Variants in FTO observed in about 807,000 individuals in gnomAD.
FTO encodes alpha-ketoglutarate-dependent dioxygenase FTO.
In FTO, 47 loss-of-function variants were observed where a neutral mutation model predicts 63.9. The ratio of observed to expected loss-of-function variants is 0.74; its 90% CI spans 0.58 to 0.94. FTO has a LOEUF of 0.94. FTO is among the 40% of genes least tolerant of loss of function. The probability of loss-of-function intolerance (pLI) is 0.00; values close to 1 mark genes in which losing one functional copy is unlikely to be tolerated. For missense variants in FTO, 562 were observed against 618.1 expected (o/e 0.91, Z 0.96); for synonymous variants, 207 against 224.4 (o/e 0.92, Z 0.69).
intron 8 of FTO, among the ~76,000 whole-genome samples, chr16:53,936,154 G>T (rs773135250): frequency 5.3e-5 from 8 of 152,208 alleles, no homozygotes; most frequent in Non-Finnish European, 7.3e-5. Flanking sequence ...TTAATCAGGA[G>T]CTGGAGCCAG....
At chr16:53,989,467 A>G (rs1363626655) in intron 8 of FTO, among the ~76,000 whole-genome samples, 1 of 152,118 alleles carries the variant, frequency 6.6e-6, no homozygotes, top group Non-Finnish European at 1.5e-5. Context: ...GATAGTAGGA[A>G]TGTTAATCAT....
At chr16:54,065,097 A>ACATTTTATTT (rs2085689404) in intron 8 of FTO, among the ~76,000 whole-genome samples, 3 of 77,990 alleles carry the variant, frequency 3.8e-5, no homozygotes, top group Non-Finnish European at 9.6e-5. Context: ...TGTTAGCATA[A>ACATTTTATTT]CATTTTATTT....
chr16:53,856,258 C>T (rs1365218061), intron 4 of FTO, among the ~76,000 whole-genome samples: 2 of 152,048 alleles, frequency 1.3e-5, no homozygotes, highest in Non-Finnish European at 2.9e-5. Context: ...GTTTGACTTT[C>T]CTCATCTAGT....
In FTO at chr16:54,119,831, AAACT is replaced by A. The variant is rs1216334522; in HGVS notation, c.*7921_*7924del. On this transcript the variant is annotated 3_prime_UTR_variant, in exon 9 of 9. Coordinates refer to ENST00000471389, the MANE Select transcript of FTO (RefSeq NM_001080432.3). Reference sequence around the variant, plus strand: ...CCCTGTGAGCAGCAACATAAGTTTGAAACTAACTGTGTATGACTAAGGCTCCATT... The same window carrying A: ...CCCTGTGAGCAGCAACATAAGTTTGAAACTGTGTATGACTAAGGCTCCATT... 10 of 152,202 alleles carry A rather than the reference AAACT, an allele frequency of 6.6e-5. No individual in the cohort carries two copies. The highest frequency in any genetic ancestry group is 3.9e-4 in the Admixed American group (6 of 15,284). 9.4% of individuals were successfully genotyped at this position (152,202 alleles called of 1,614,324 possible).
intron 1 of FTO, among the ~76,000 whole-genome samples, chr16:53,773,852 A>C (rs17817288): frequency 2.6e-5 from 4 of 151,938 alleles, no homozygotes; most frequent in Non-Finnish European, 5.9e-5. Flanking sequence ...AAATAAATGA[A>C]TAGCTGCTGG....
intron 8 of FTO, among the ~76,000 whole-genome samples, chr16:54,032,799 G>C (rs114134394): frequency 2.6e-5 from 4 of 152,090 alleles, no homozygotes; most frequent in Non-Finnish European, 4.4e-5. Flanking sequence ...GAGGTGTTTG[G>C]GTCCTGGGGA....
At chr16:54,031,501 T>C (rs562742557) in intron 8 of FTO, among the ~76,000 whole-genome samples, 2 of 152,238 alleles carry the variant, frequency 1.3e-5, no homozygotes, top group Non-Finnish European at 2.9e-5. Flanking sequence ...GCGTCAAAAC[T>C]GTCTTTGTGC....
Position 54,115,388 on chromosome 16 carries a change from CA to C in FTO, c.*3477del, listed in dbSNP as rs1434367582. On this transcript the variant is annotated 3_prime_UTR_variant, in exon 9 of 9. Transcript: ENST00000471389. ...TGGATGCCCTGGGATATGTAGTCACCAAAATAGGAACTTACCCCATAGTGGG... is the reference window on the plus strand; with the variant it reads ...TGGATGCCCTGGGATATGTAGTCACCAAATAGGAACTTACCCCATAGTGGG... 4 of 152,160 alleles carry C rather than the reference CA, an allele frequency of 2.6e-5. No homozygotes were observed. The highest frequency in any genetic ancestry group is 9.7e-5 in the African/African-American group (4 of 41,418). The allele number at this position is 152,160 out of a possible 1,614,324, so 9.4% of individuals were successfully genotyped here.
At position 54,115,667 on chromosome 16, in the gene FTO, AG is replaced by A. The variant is rs2086969618; in HGVS notation, c.*3756del. On this transcript the variant is annotated 3_prime_UTR_variant, in exon 9 of 9. Transcript: ENST00000471389. ...TGAGCCTGAAGCCGAGAAGACCAGGAGGGGAGAAGGGGAGATGTAGGGCAGA... is the reference window on the plus strand; with the variant it reads ...TGAGCCTGAAGCCGAGAAGACCAGGAGGGAGAAGGGGAGATGTAGGGCAGA... 1 of 152,184 alleles carries A rather than the reference AG, an allele frequency of 6.6e-6. No homozygotes were observed. Among genetic ancestry groups the A allele is most frequent in the Admixed American group, 6.5e-5 (1 of 15,274 alleles). 9.4% of individuals were successfully genotyped at this position (152,184 alleles called of 1,614,324 possible).
intron 8 of FTO, among the ~76,000 whole-genome samples, chr16:53,961,630 A>ATAAT (rs1217673407): frequency 1.3e-5 from 2 of 152,212 alleles, no homozygotes; most frequent in African/African-American, 2.4e-5. Context: ...CTTGTGTTTC[A>ATAAT]TCATTATCAG....
intron 8 of FTO, among the ~76,000 whole-genome samples, chr16:54,063,312 A>G (rs913647095): frequency 6.6e-6 from 1 of 152,184 alleles, no homozygotes; most frequent in Non-Finnish European, 1.5e-5. Context: ...GCCCTTATTT[A>G]TCTTTTATGC....
intron 8 of FTO, among the ~76,000 whole-genome samples, chr16:54,064,782 A>T (rs1218470232): frequency 2.6e-5 from 4 of 152,186 alleles, no homozygotes; most frequent in African/African-American, 9.7e-5. Flanking sequence ...GTATACGTGA[A>T]TTAAAAAAGA....
chr16:54,068,449 A>C (rs1267030264), intron 8 of FTO, among the ~76,000 whole-genome samples: 24 of 152,168 alleles, frequency 1.6e-4, no homozygotes. Context: ...ATGTTCACCC[A>C]GGGGTGAGAA....
At chr16:54,076,252 T>C (rs1404872089) in intron 8 of FTO, among the ~76,000 whole-genome samples, 1 of 152,250 alleles carries the variant, frequency 6.6e-6, no homozygotes, top group African/African-American at 2.4e-5. Flanking sequence ...GATGTGTGTT[T>C]GTTAGGTAAC....
chr16:53,781,769 C>T (rs749514828), intron 1 of FTO, among the ~76,000 whole-genome samples: 1 of 151,762 alleles, frequency 6.6e-6, no homozygotes, highest in Non-Finnish European at 1.5e-5. Flanking sequence ...GTGGGGGCTT[C>T]ACTGATGCAT....
In FTO at chr16:54,121,087, G is replaced by A. The variant is rs1324491185; in HGVS notation, c.*9172G>A. On this transcript the variant is annotated 3_prime_UTR_variant, in exon 9 of 9. Coordinates refer to ENST00000471389, the MANE Select transcript of FTO (RefSeq NM_001080432.3). ...TTATTGGAACGCAGCCATGCTCATC[G>A]GTTTATGTATTATCTATGGCTGTTT... The A allele has an allele frequency of 6.6e-6, 1 of 152,302 alleles. No individual in the cohort carries two copies. Among genetic ancestry groups the A allele is most frequent in the Non-Finnish European group, 1.5e-5 (1 of 68,034 alleles). The allele number at this position is 152,302 out of a possible 1,614,324, so 9.4% of individuals were successfully genotyped here. A position where few individuals can be genotyped will look rare whatever the true frequency, so the allele number is the denominator to read the frequency against.
At chr16:53,945,563 A>G (rs2082634391) in intron 8 of FTO, among the ~76,000 whole-genome samples, 1 of 152,118 alleles carries the variant, frequency 6.6e-6, no homozygotes, top group South Asian at 2.1e-4. Context: ...TTACATATTT[A>G]TTTCCTCTGG....
chr16:53,789,987 TATATA>T (rs1231135384), intron 1 of FTO, among the ~76,000 whole-genome samples: 14 of 149,370 alleles, frequency 9.4e-5, no homozygotes, highest in Non-Finnish European at 1.9e-4. Flanking sequence ...CATATACAAA[TATATA>T]ATATGTTTGT....
intron 1 of FTO, among the ~76,000 whole-genome samples, chr16:53,728,593 T>C (rs2076203672): frequency 6.6e-6 from 1 of 152,098 alleles, no homozygotes; most frequent in Admixed American, 6.5e-5. Flanking sequence ...TAATGACTTT[T>C]TGATAGTTCT....
Sources: gnomAD v4.1 joint callset for allele counts (sites outside exome capture counted in the v4.1 genomes callset) on GRCh38, gnomAD v4.1.1 for gene constraint, MANE v1.5 for transcripts, NCBI Gene and HGNC (gene_info 2026-07-23, HGNC 2026-07-21) for gene names.